Variants in SLC38A6 observed in about 807,000 individuals in gnomAD.
The protein encoded by SLC38A6 is solute carrier family 38 member 6.
In SLC38A6, 73 loss-of-function variants were observed where a neutral mutation model predicts 65.0. That is an observed-to-expected ratio of 1.12 (90% CI 0.93 to 1.37). The LOEUF (loss-of-function observed/expected upper bound fraction) is 1.37, where lower values mean the gene tolerates loss of function less well. Ranked by LOEUF, SLC38A6 falls within the 40% of genes most tolerant of loss-of-function variation. SLC38A6 has a pLI of 0.00. For synonymous variants in SLC38A6, 183 were observed against 178.8 expected (o/e 1.02, Z -0.19); for missense variants, 561 against 531.1 (o/e 1.06, Z -0.55).
chr14:61,009,355 T>C (rs1055553285), intron 3 of SLC38A6, among the ~76,000 whole-genome samples: 3 of 152,152 alleles, frequency 2.0e-5, no homozygotes, highest in Non-Finnish European at 2.9e-5. Context: ...TTATATTGAT[T>C]AGAAACTTTT....
intron 3 of SLC38A6, among the ~76,000 whole-genome samples, chr14:60,991,759 A>G (rs145628784): frequency 4.1e-4 from 62 of 152,292 alleles, no homozygotes; most frequent in Non-Finnish European, 7.6e-4. Context: ...CGGTTGATCT[A>G]CAGTGTCATC....
chr14:61,011,107 G>T (rs892033872), intron 3 of SLC38A6, among the ~76,000 whole-genome samples: 4 of 152,168 alleles, frequency 2.6e-5, no homozygotes, highest in African/African-American at 9.7e-5. Flanking sequence ...TCCCTTCTAA[G>T]TTGGATTCCT....
intron 16 of SLC38A6, among the ~76,000 whole-genome samples, chr14:61,080,328 G>C (rs921646596): frequency 2.6e-5 from 4 of 152,194 alleles, no homozygotes; most frequent in Middle Eastern, 3.4e-3. Flanking sequence ...GTGGGGAGAG[G>C]CTCAGCTGAG....
downstream of SLC38A6, among the ~76,000 whole-genome samples, chr14:61,053,910 T>C (rs2042616530): frequency 6.6e-6 from 1 of 152,176 alleles, no homozygotes; most frequent in Non-Finnish European, 1.5e-5. Context: ...TTTGCTTTTG[T>C]TGCAATTGCT....
chr14:61,026,072 A>G (rs566112960), intron 5 of SLC38A6, among the ~76,000 whole-genome samples: 63 of 152,264 alleles, frequency 4.1e-4, no homozygotes, highest in Admixed American at 7.2e-4. Context: ...TATATTTTAC[A>G]TGTTTAACAA....
rs909752502 is a variant in SLC38A6 at position 61,009,329 on chromosome 14, G to T, written c.311-6575G>T. On this transcript the variant is annotated intron_variant, in intron 3 of 15. Transcript: ENST00000267488. ...TGACCAAAATTACATCAATCTGCATGTTGACATTGTTTACCTTATATTGAT... is the reference window on the plus strand; with the variant it reads ...TGACCAAAATTACATCAATCTGCATTTTGACATTGTTTACCTTATATTGAT... Among the ~76,000 whole-genome samples, 6 of 152,236 alleles carry T rather than the reference G, an allele frequency of 3.9e-5. No homozygotes were observed. The East Asian group carries it at 9.7e-4, about 25-fold the overall frequency.
chr14:61,031,090 C>G (rs980939951), intron 6 of SLC38A6: 1 of 152,104 alleles, frequency 6.6e-6, no homozygotes, highest in Non-Finnish European at 1.5e-5. Flanking sequence ...CAATACTAAA[C>G]TACATTGTAT....
At chr14:61,033,030 C>T (rs1838556599) in intron 6 of SLC38A6, among the ~76,000 whole-genome samples, 1 of 151,868 alleles carries the variant, frequency 6.6e-6, no homozygotes, top group African/African-American at 2.4e-5. Flanking sequence ...ACTGAACTTT[C>T]ATGATATATC....
chr14:61,049,994 A>C (rs576782416), intron 12 of SLC38A6, among the ~76,000 whole-genome samples: 1 of 152,170 alleles, frequency 6.6e-6, no homozygotes, highest in Non-Finnish European at 1.5e-5. Context: ...CACAGATGAA[A>C]CGTAACATGC....
intron 6 of SLC38A6, chr14:61,034,409 A>T (rs2041208293): frequency 6.6e-6 from 1 of 152,070 alleles, no homozygotes; most frequent in Non-Finnish European, 1.5e-5. Flanking sequence ...CTGCACTCTC[A>T]ACAGATTTTC....
At chr14:61,014,892 C>T (rs980179007) in intron 3 of SLC38A6, among the ~76,000 whole-genome samples, 5 of 152,170 alleles carry the variant, frequency 3.3e-5, no homozygotes, top group Admixed American at 2.0e-4. Flanking sequence ...GCTGGGAGAA[C>T]CACTACTCTC....
intron 5 of SLC38A6, among the ~76,000 whole-genome samples, chr14:61,019,847 A>G (rs2040247176): frequency 2.0e-5 from 3 of 152,008 alleles, no homozygotes; most frequent in Admixed American, 2.0e-4. Context: ...GCTTTCTGTG[A>G]TTCTGAAGGT....
At chr14:61,015,773 G>C (rs1004385938) in intron 3 of SLC38A6, 131 bp from the exon 4 acceptor site, 1 of 533,156 alleles carries the variant, frequency 1.9e-6, no homozygotes, top group Non-Finnish European at 3.1e-6. Flanking sequence ...CTCATTTTGT[G>C]TTTAGTCCTG....
At chr14:61,035,689 AAC>A (rs1215643346) in intron 6 of SLC38A6, among the ~76,000 whole-genome samples, 2 of 152,308 alleles carry the variant, frequency 1.3e-5, no homozygotes, top group African/African-American at 2.4e-5. Flanking sequence ...GATTAATTGA[AAC>A]AGTCTCATTA....
At position 61,050,638 on chromosome 14, in the gene SLC38A6, TA is replaced by T; in HGVS notation, c.1050+4del. 1 of 1,547,730 alleles carries T rather than the reference TA, an allele frequency of 6.5e-7. No individual in the cohort carries two copies. The highest frequency in any genetic ancestry group is 1.3e-5 in the South Asian group (1 of 79,380). On this transcript the variant is annotated splice_donor_region_variant and intron_variant, in intron 13 of 15. Transcript: ENST00000267488. The stretch of plus-strand genomic sequence containing the variant: ...ACAGTCCCTCTAATCCACTTCCCTG[TA>T]AGTACTCTTAAAGGGTTTTGTTGCC...
chr14:61,075,389 G>A (rs2043364770), intron 15 of SLC38A6, among the ~76,000 whole-genome samples: 1 of 152,128 alleles, frequency 6.6e-6, no homozygotes, highest in African/African-American at 2.4e-5. Context: ...AGGCAGAGAT[G>A]GCCAAGAAAA....
At chr14:61,074,120 G>A (rs1027864968) in intron 15 of SLC38A6, among the ~76,000 whole-genome samples, 2 of 152,152 alleles carry the variant, frequency 1.3e-5, no homozygotes, top group Admixed American at 6.6e-5. Context: ...TGGTGGGAGA[G>A]TCAAAAATTG....
At chr14:61,031,500 T>C (rs181273512) in intron 6 of SLC38A6, among the ~76,000 whole-genome samples, 89 of 152,120 alleles carry the variant, frequency 5.9e-4, no homozygotes, top group Non-Finnish European at 7.4e-5. Flanking sequence ...ATCAAGAAAA[T>C]GTAGTTAAAA....
intron 3 of SLC38A6, among the ~76,000 whole-genome samples, chr14:60,991,438 A>G (rs919933734): frequency 1.1e-4 from 17 of 152,270 alleles, no homozygotes; most frequent in Admixed American, 1.1e-3. Flanking sequence ...ATTTTTTGAA[A>G]TGAGGTAACT....
Sources: gnomAD v4.1 joint callset for allele counts (sites outside exome capture counted in the v4.1 genomes callset) on GRCh38, gnomAD v4.1.1 for gene constraint, MANE v1.5 for transcripts, NCBI Gene and HGNC (gene_info 2026-07-23, HGNC 2026-07-21) for gene names.